The following NMUR2 variants were observed in gnomAD, a reference collection of about 807,000 sequenced individuals.
NMUR2 encodes neuromedin U receptor 2.
A neutral mutation model predicts 25.1 loss-of-function variants in NMUR2; 24 were observed. The ratio of observed to expected loss-of-function variants is 0.96; its 90% CI spans 0.69 to 1.34. The LOEUF (loss-of-function observed/expected upper bound fraction) is 1.34, where lower values mean the gene tolerates loss of function less well. NMUR2 is among the 40% of genes most tolerant of loss of function. The pLI is 0.00. For missense variants in NMUR2, 533 were observed against 512.8 expected (o/e 1.04, Z -0.38); for synonymous variants, 218 against 208.1 (o/e 1.05, Z -0.41).
In NMUR2 at chr5:152,392,433, C is replaced by T; in HGVS notation, c.1006G>A (p.Ala336Thr). ...IYNLLSRRFQ[A>T]AFQNVISSFH... The stretch of plus-strand genomic sequence containing the variant: ...GAAGAGATCACATTCTGGAATGCTG[C>T]CTGGAAGCGGCGAGACAGTAGGTTA... The change falls in exon 4 of 4, where the codon GCA becomes ACA. Residue 336 changes from alanine to threonine, a missense_variant. By Grantham distance (58) the Ala-to-Thr change is moderately conservative. Coordinates refer to ENST00000255262, the MANE Select transcript of NMUR2 (RefSeq NM_020167.5). 6.2e-7 allele frequency: 1 copy of T among 1,613,968 alleles called. No individual in the cohort carries two copies. Among genetic ancestry groups the T allele is most frequent in the Non-Finnish European group, 8.5e-7 (1 of 1,179,930 alleles).
At chr5:152,400,613 G>T (rs1426309348) in intron 1 of NMUR2, among the ~76,000 whole-genome samples, 2 of 152,076 alleles carry the variant, frequency 1.3e-5, no homozygotes, top group South Asian at 4.2e-4. Flanking sequence ...CACATTCAAG[G>T]TTAGAGCAAT....
At chr5:152,397,347 T>C (rs1054409787) in intron 2 of NMUR2, among the ~76,000 whole-genome samples, 1 of 152,206 alleles carries the variant, frequency 6.6e-6, no homozygotes, top group African/African-American at 2.4e-5. Context: ...CTGTATCATA[T>C]ATTTTTATAA....
intron 1 of NMUR2, among the ~76,000 whole-genome samples, chr5:152,403,334 C>T (rs1004284896): frequency 6.6e-6 from 1 of 152,114 alleles, no homozygotes; most frequent in Non-Finnish European, 1.5e-5. Flanking sequence ...ACTACACAAG[C>T]TATAATACCT....
In NMUR2 at chr5:152,396,164, T is replaced by C. The variant is rs559407864; in HGVS notation, c.812-580A>G. Reference sequence around the variant, plus strand: ...AAAACAGAGACTGGTATTTCTGTAGTTTTTCTTTGGGGCATTTAAGCTCCA... The same window carrying C: ...AAAACAGAGACTGGTATTTCTGTAGCTTTTCTTTGGGGCATTTAAGCTCCA... On this transcript the variant is annotated intron_variant, in intron 2 of 3. Transcript: ENST00000255262. Among the ~76,000 whole-genome samples, 38 of 151,770 alleles carry C rather than the reference T, an allele frequency of 2.5e-4. No homozygotes were observed. The South Asian group carries it at 7.9e-3, about 32-fold the overall frequency.
chr5:152,398,100 A>G lies in NMUR2; in HGVS notation c.771T>C (p.Asn257=), dbSNP rs1459237718. The change falls in exon 2 of 4, where the codon AAT becomes AAC. Residue 257 remains asparagine, a synonymous_variant. Coordinates refer to ENST00000255262, the MANE Select transcript of NMUR2 (RefSeq NM_020167.5). ...CTGATTTTCTGCAGGGTCTTTGAAT[A>G]TTTGCATTCCCTTCATCTGCCTCAA... ...KSLEADEGNA[N]IQRPCRKSVN... The G allele has an allele frequency of 1.2e-6, 2 of 1,613,454 alleles. No homozygotes were observed. Among genetic ancestry groups the G allele is most frequent in the South Asian group, 1.1e-5 (1 of 90,980 alleles).
intron 3 of NMUR2, among the ~76,000 whole-genome samples, chr5:152,395,217 A>C (rs192857639): frequency 6.6e-6 from 1 of 152,318 alleles, no homozygotes; most frequent in Admixed American, 6.5e-5. Flanking sequence ...TTCCTTCTGT[A>C]ATCATCACAG....
At chr5:152,392,946 T>A (rs2113092669) in intron 3 of NMUR2, among the ~76,000 whole-genome samples, 1 of 152,300 alleles carries the variant, frequency 6.6e-6, no homozygotes, top group East Asian at 1.9e-4. Context: ...TGAGACTCCT[T>A]ATAATGCTAA....
At chr5:152,395,618 C>G (rs760856201) in intron 2 of NMUR2, 34 bp from the exon 3 acceptor site, 3 of 1,609,694 alleles carry the variant, frequency 1.9e-6, no homozygotes, top group South Asian at 2.2e-5. Flanking sequence ...GACCAGAAGA[C>G]AGTCTGTGCA....
rs771654045 is a variant in NMUR2 at position 152,404,985 on chromosome 5, G to A, written c.129C>T (p.His43=). 6.2e-7 allele frequency: 1 copy of A among 1,613,994 alleles called. No homozygotes were observed. Among genetic ancestry groups the A allele is most frequent in the East Asian group, 2.2e-5 (1 of 44,846 alleles). The change falls in exon 1 of 4, where the codon CAC becomes CAT. Residue 43 remains histidine (H), a synonymous_variant. Coordinates refer to ENST00000255262, the MANE Select transcript of NMUR2 (RefSeq NM_020167.5). ...ACACCACAGACACGGGGAGGAAGAA[G>A]TGGCTGCGCCGAGGTCCGCAGAGGA... ...LAFLCGPRRS[H]FFLPVSVVYV... is the part of the protein sequence containing the mutation.
intron 1 of NMUR2, among the ~76,000 whole-genome samples, chr5:152,400,048 G>A (rs184732294): frequency 6.6e-6 from 1 of 152,316 alleles, no homozygotes; most frequent in Non-Finnish European, 1.5e-5. Context: ...ACTTGGAAGA[G>A]TGGGTCTTTA....
Position 152,392,376 on chromosome 5 carries a change from G to A in NMUR2, c.1063C>T (p.Pro355Ser). 6.2e-7 allele frequency: 1 copy of A among 1,614,064 alleles called. No homozygotes were observed. The highest frequency in any genetic ancestry group is 8.5e-7 in the Non-Finnish European group (1 of 1,179,942). Reference protein sequence around the residue: ...FHKQWHSQHDPQLPPAQRNIF... With the variant: ...FHKQWHSQHDSQLPPAQRNIF... ...TTCCGCTGGGCAGGTGGCAACTGTG[G>A]GTCATGCTGGGAGTGCCACTGTTTG... The change falls in exon 4 of 4, where the codon CCA (proline) becomes TCA (serine). Residue 355 changes from proline (P) to serine (S), a missense_variant. Transcript: ENST00000255262.
Position 152,404,466 on chromosome 5 carries a change from G to A in NMUR2, c.648C>T (p.Ile216=), listed in dbSNP as rs867147425. 2 of 1,614,176 alleles carry A rather than the reference G, an allele frequency of 1.2e-6. No homozygotes were observed. Among genetic ancestry groups the A allele is most frequent in the Non-Finnish European group, 1.7e-6 (2 of 1,180,028 alleles). ...AGAATAGGAAGGAGGTGACCTGGAT[G>A]ATGAAATTGTAGATCCACATGGGCT... ...VIKPMWIYNF[I]IQVTSFLFYL... is the part of the protein sequence containing the mutation. The change falls in exon 1 of 4, where the codon ATC becomes ATT. Residue 216 remains isoleucine, a synonymous_variant. Transcript: ENST00000255262.
chr5:152,392,459 T>C lies in NMUR2; in HGVS notation c.980A>G (p.Tyr327Cys). The part of the protein sequence containing the change: ...YLSSAVNPII[Y>C]NLLSRRFQAA... Reference sequence around the variant, plus strand: ...CTGGAAGCGGCGAGACAGTAGGTTATAGATAATGGGGTTGACAGCTGAGCT... The same window carrying C: ...CTGGAAGCGGCGAGACAGTAGGTTACAGATAATGGGGTTGACAGCTGAGCT... Residue 327 changes from tyrosine (Y) to cysteine (C), a missense_variant, in exon 4 of 4, where the codon TAT becomes TGT. Coordinates refer to ENST00000255262, the MANE Select transcript of NMUR2 (RefSeq NM_020167.5). 1 of 1,613,920 alleles carries C rather than the reference T, an allele frequency of 6.2e-7. No homozygotes were observed. The highest frequency in any genetic ancestry group is 1.1e-5 in the South Asian group (1 of 91,074).
In NMUR2 at chr5:152,392,053, A is replaced by T. The variant is rs78420056; in HGVS notation, c.*138T>A. On this transcript the variant is annotated 3_prime_UTR_variant, in exon 4 of 4. Transcript: ENST00000255262. ...CTAACTCTCAGTTTTCACGTTTATT[A>T]AAAAAAAAAAAACTAGCAATGGGTA... is the stretch of plus-strand genomic sequence containing the variant. 5 of 218,264 alleles carry T rather than the reference A, an allele frequency of 2.3e-5. No individual in the cohort carries two copies. The highest frequency in any genetic ancestry group is 4.1e-5 in the Non-Finnish European group (5 of 122,300). 13.5% of individuals were successfully genotyped at this position (218,264 alleles called of 1,614,324 possible). A position where few individuals can be genotyped will look rare whatever the true frequency, so the allele number is the denominator to read the frequency against.
At chr5:152,398,031 C>T in intron 2 of NMUR2, 29 bp downstream of exon 2, 1 of 1,570,268 alleles carries the variant, frequency 6.4e-7, no homozygotes, top group Non-Finnish European at 8.8e-7. Context: ...ATGAACAAAA[C>T]AAAACAAAAA....
Position 152,395,574 on chromosome 5 carries a change from G to T in NMUR2, c.822C>A (p.Val274=). 1 of 1,613,398 alleles carries T rather than the reference G, an allele frequency of 6.2e-7. No homozygotes were observed. The highest frequency in any genetic ancestry group is 8.5e-7 in the Non-Finnish European group (1 of 1,179,726). ...KSVNKMLFVL[V]LVFAICWAPF... is the part of the protein sequence containing the mutation. ...GGGCCCAACAGATAGCAAACACTAA[G>T]ACCAAGACAACTGAAAATGGATGAT... The change falls in exon 3 of 4, where the codon GTC becomes GTA. Residue 274 remains valine, a synonymous_variant. Transcript: ENST00000255262.
chr5:152,401,894 T>G (rs1461791772), intron 1 of NMUR2, among the ~76,000 whole-genome samples: 1 of 152,056 alleles, frequency 6.6e-6, no homozygotes. Context: ...GGTCCCAGAG[T>G]CAATCATACC....
chr5:152,395,533 C>T lies in NMUR2; in HGVS notation c.863G>A (p.Arg288Gln), dbSNP rs766887935. ...AICWAPFHID[R>Q]LFFSFVEEWS... ...CTCCTCCACAAAGCTGAAGAAGAGTCGGTCAATGTGGAACGGGGCCCAACA... is the reference window on the plus strand; with the variant it reads ...CTCCTCCACAAAGCTGAAGAAGAGTTGGTCAATGTGGAACGGGGCCCAACA... The change falls in exon 3 of 4, where the codon CGA becomes CAA. Residue 288 changes from arginine (R) to glutamine (Q), a missense_variant. Arg to Gln is a conservative substitution (Grantham distance 43). Transcript: ENST00000255262. The T allele has an allele frequency of 1.5e-5, 25 of 1,613,380 alleles. No individual in the cohort carries two copies. The East Asian group carries it at 4.7e-4, about 30-fold the overall frequency.
chr5:152,398,023 GAACAA>G (rs770150190), intron 2 of NMUR2, 32 bp downstream of exon 2: 5 of 1,497,148 alleles, frequency 3.3e-6, no homozygotes, highest in Admixed American at 3.4e-5. Context: ...TTGCTCTTAT[GAACAA>G]AACAAAACAA....
Sources: allele counts gnomAD v4.1 joint callset (sites outside exome capture counted in the v4.1 genomes callset), GRCh38; gene constraint gnomAD v4.1.1; transcripts MANE v1.5; gene names NCBI Gene and HGNC (gene_info 2026-07-23, HGNC 2026-07-21).